SYN3: variants seen among roughly 807,000 people sequenced by gnomAD.
SYN3 encodes synapsin-3.
SYN3 carries 35 observed loss-of-function variants against 65.8 expected under a neutral mutation model. The observed-to-expected ratio is 0.53, with a 90% CI of 0.41 to 0.70. SYN3 has a LOEUF of 0.70. Ranked by LOEUF, SYN3 falls within the 30% of genes least tolerant of loss-of-function variation. The pLI is 0.00. For synonymous variants in SYN3, 270 were observed against 292.9 expected (o/e 0.92, Z 0.80); for missense variants, 680 against 749.0 (o/e 0.91, Z 1.08).
chr22:32,861,625 GT>G (rs2048540834), intron 6 of SYN3: 2 of 152,656 alleles, frequency 1.3e-5, no homozygotes, highest in African/African-American at 4.8e-5. Flanking sequence ...AAGGCTGAGT[GT>G]GAGGCACCTG....
chr22:32,699,312 G>T (rs553244614), intron 6 of SYN3, among the ~76,000 whole-genome samples: 1 of 152,318 alleles, frequency 6.6e-6, no homozygotes, highest in East Asian at 1.9e-4. Flanking sequence ...ACCTCCACAT[G>T]GGCCGTTGGG....
At chr22:33,045,467 T>TC (rs2054044592) in intron 1 of SYN3, among the ~76,000 whole-genome samples, 2 of 134,690 alleles carry the variant, frequency 1.5e-5, no homozygotes, top group South Asian at 5.3e-4. Flanking sequence ...TTCTTTTTTT[T>TC]TTTTTTTTTT....
rs71187211 is a variant in SYN3, at chr22:32,758,681, CATATATAT to C, written c.711+106226_711+106233del. On this transcript the variant is annotated intron_variant, in intron 6 of 13. Transcript: ENST00000358763. ...TGTGTAAGTTAATACTTACTAAACTCATATATATATATATATATATGTCTTATTAGTTC... is the reference window on the plus strand; with the variant it reads ...TGTGTAAGTTAATACTTACTAAACTCATATATATATATGTCTTATTAGTTC... Among the ~76,000 whole-genome samples the C allele has an allele frequency of 4.0e-3, 132 of 33,088 alleles. 21 individuals carry two copies. Among genetic ancestry groups the C allele is most frequent in the Admixed American group, 7.3e-3 (13 of 1,784 alleles). 21.7% of individuals were successfully genotyped at this position (33,088 alleles called of 152,430 possible).
chr22:32,716,341 T>C (rs948001097), intron 6 of SYN3, among the ~76,000 whole-genome samples: 2 of 152,042 alleles, frequency 1.3e-5, no homozygotes, highest in African/African-American at 4.8e-5. Flanking sequence ...CAACTAGGTA[T>C]GTGGGTAGAA....
chr22:32,690,600 G>C (rs370100548), intron 6 of SYN3, among the ~76,000 whole-genome samples: 2,323 of 152,214 alleles, frequency 0.015, 54 homozygotes, highest in African/African-American at 0.053. Context: ...AATGCCCCCA[G>C]TTTACTAACT....
intron 4 of SYN3, among the ~76,000 whole-genome samples, chr22:32,887,362 C>T (rs1601625177): frequency 6.6e-6 from 1 of 151,672 alleles, no homozygotes; most frequent in East Asian, 1.9e-4. Context: ...TAGGCAACAG[C>T]GAGACCGTGT....
chr22:32,910,298 TAA>T (rs1179915391), intron 4 of SYN3, among the ~76,000 whole-genome samples: 2 of 152,124 alleles, frequency 1.3e-5, no homozygotes, highest in Non-Finnish European at 2.9e-5. Context: ...TTCTCTGGGT[TAA>T]AGAGATGGGG....
chr22:32,663,393 G>A (rs1465933850), intron 6 of SYN3, among the ~76,000 whole-genome samples: 1 of 151,414 alleles, frequency 6.6e-6, no homozygotes, highest in South Asian at 2.1e-4. Context: ...CCGCCTCCCG[G>A]GTTCACGCCA....
rs149193951 is a variant in SYN3 at position 32,908,749 on chromosome 22, A to T, written c.461+22641T>A. Among the ~76,000 whole-genome samples, 104 of 152,340 alleles carry T rather than the reference A, an allele frequency of 6.8e-4. 1 individual carries two copies. The highest frequency in any genetic ancestry group is 2.3e-3 in the African/African-American group (97 of 41,582). On this transcript the variant is annotated intron_variant, in intron 4 of 13. Coordinates refer to ENST00000358763, the MANE Select transcript of SYN3 (RefSeq NM_003490.4). ...TGGGCTGCAAAGCTGAAAACAGATT[A>T]GGACCCTGACCTCTAGGGTCAAGGG...
intron 3 of SYN3, among the ~76,000 whole-genome samples, chr22:32,952,068 G>A (rs1270570370): frequency 6.6e-6 from 1 of 152,172 alleles, no homozygotes; most frequent in African/African-American, 2.4e-5. Context: ...GCATCTCAGG[G>A]CTGAGCTCTT....
chr22:32,520,475 A>AC (rs1427417990), intron 12 of SYN3, among the ~76,000 whole-genome samples: 1 of 152,090 alleles, frequency 6.6e-6, no homozygotes, highest in African/African-American at 2.4e-5. Flanking sequence ...ATATATTGTG[A>AC]CTTGCTTAAG....
intron 6 of SYN3, among the ~76,000 whole-genome samples, chr22:32,761,116 C>T (rs55927293): frequency 7.9e-5 from 12 of 152,184 alleles, no homozygotes; most frequent in Admixed American, 7.9e-4. Context: ...TTGAAGCCCA[C>T]TGGGTCATCT....
intron 1 of SYN3, among the ~76,000 whole-genome samples, chr22:33,038,187 G>A (rs1217389166): frequency 6.6e-6 from 1 of 152,220 alleles, no homozygotes; most frequent in Non-Finnish European, 1.5e-5. Flanking sequence ...CCAAACAGCA[G>A]TAATGCCCCC....
intron 6 of SYN3, among the ~76,000 whole-genome samples, chr22:32,756,992 G>C (rs537916753): frequency 1.3e-5 from 2 of 151,476 alleles, no homozygotes; most frequent in African/African-American, 4.8e-5. Flanking sequence ...AACAACTGTC[G>C]GAAATGTTTC....
chr22:33,034,703 G>A lies in SYN3; in HGVS notation c.-163+23589C>T, dbSNP rs144855235. Among the ~76,000 whole-genome samples the A allele has an allele frequency of 3.5e-3, 538 of 152,172 alleles. 4 individuals are homozygous for A. Among genetic ancestry groups the A allele is most frequent in the Middle Eastern group, 0.034 (10 of 294 alleles). ...ATATCATCATTCCTCACACAACCCC[G>A]TAAAGCAAAAACTATTTTTAACCCC... On this transcript the variant is annotated intron_variant, in intron 1 of 13. Coordinates refer to ENST00000358763, the MANE Select transcript of SYN3 (RefSeq NM_003490.4).
chr22:32,895,491 A>T lies in SYN3; in HGVS notation c.462-26366T>A, dbSNP rs193259917. 7.9e-4 allele frequency among the ~76,000 whole-genome samples: 121 copies of T among 152,354 alleles called. 1 individual carries two copies. Among genetic ancestry groups the T allele is most frequent in the Non-Finnish European group, 2.9e-4 (20 of 68,040 alleles). On this transcript the variant is annotated intron_variant, in intron 4 of 13. Coordinates refer to ENST00000358763, the MANE Select transcript of SYN3 (RefSeq NM_003490.4). The stretch of plus-strand genomic sequence containing the variant: ...AGACAGTATAGTATTGAGCATGATA[A>T]CAAAATGCCAATAATCTAAGAATGA...
At chr22:32,638,707 CAT>C in intron 6 of SYN3, among the ~76,000 whole-genome samples, 1 of 152,274 alleles carries the variant, frequency 6.6e-6, no homozygotes, top group African/African-American at 2.4e-5. Context: ...ATAGATTCCA[CAT>C]ATTAGACCTT....
At chr22:32,965,308 C>A (rs1026655776) in intron 3 of SYN3, among the ~76,000 whole-genome samples, 2 of 152,150 alleles carry the variant, frequency 1.3e-5, no homozygotes, top group African/African-American at 4.8e-5. Context: ...GTTTACCATG[C>A]CAAAGGCTCT....
chr22:32,583,287 G>C (rs135584), intron 7 of SYN3: 8 of 152,310 alleles, frequency 5.3e-5, no homozygotes, highest in African/African-American at 1.9e-4. Flanking sequence ...ACTGCTCCCC[G>C]GTACAGCTAT....
Sources: gnomAD v4.1 joint callset for allele counts (sites outside exome capture counted in the v4.1 genomes callset) on GRCh38, gnomAD v4.1.1 for gene constraint, MANE v1.5 for transcripts, NCBI Gene and HGNC (gene_info 2026-07-23, HGNC 2026-07-21) for gene names.